Variants in CSGALNACT1 observed in about 807,000 individuals in gnomAD.
CSGALNACT1 encodes beta4GalNAcT-1.
CSGALNACT1 carries 52 observed loss-of-function variants against 51.0 expected under a neutral mutation model. The ratio of observed to expected loss-of-function variants is 1.02; its 90% CI spans 0.82 to 1.29. The LOEUF is 1.29. CSGALNACT1 is among the 50% of genes most tolerant of loss of function. The pLI is 0.00. For synonymous variants in CSGALNACT1, 341 were observed against 254.4 expected (o/e 1.34, Z -3.24); for missense variants, 935 against 679.2 (o/e 1.38, Z -4.19).
rs553172175 is a variant in CSGALNACT1 at position 19,585,837 on chromosome 8, G to C, written c.-297+5323C>G. Among the ~76,000 whole-genome samples the C allele has an allele frequency of 4.6e-5, 7 of 152,244 alleles. No homozygotes were observed. In the South Asian group the frequency reaches 1.2e-3, roughly 27 times the overall value. ...AGAGTTCCAGGTCCCAGTAGCATCT[G>C]CCCTGAGGAGCTCAGGAAACCCCTT... is the stretch of plus-strand genomic sequence containing the variant. On this transcript the variant is annotated intron_variant, in intron 3 of 9. Coordinates refer to ENST00000454498, the Ensembl canonical transcript of CSGALNACT1.
intron 3 of CSGALNACT1, among the ~76,000 whole-genome samples, chr8:19,580,636 T>C (rs781142534): frequency 3.9e-5 from 6 of 152,164 alleles, no homozygotes; most frequent in East Asian, 1.9e-4. Context: ...ATCAGGCACT[T>C]AATAAAAAAT....
chr8:19,664,829 T>A (rs1008352308), intron 1 of CSGALNACT1, among the ~76,000 whole-genome samples: 49 of 152,196 alleles, frequency 3.2e-4, no homozygotes, highest in African/African-American at 1.1e-3. Context: ...AAGTGTGAGC[T>A]AAATAATGTA....
At position 19,589,554 on chromosome 8, in the gene CSGALNACT1, C is replaced by G. The variant is rs79584685; in HGVS notation, c.-297+1606G>C. On this transcript the variant is annotated intron_variant, in intron 3 of 9. Transcript: ENST00000454498. ...TTGGGTTGGCCAAGCTGGTCTTGAA[C>G]TCCCGACCTCAAGTGACCTTCCCAC... 2.4e-3 allele frequency among the ~76,000 whole-genome samples: 369 copies of G among 152,294 alleles called. 1 individual carries two copies. Among genetic ancestry groups the G allele is most frequent in the African/African-American group, 8.3e-3 (346 of 41,560 alleles).
chr8:19,609,986 C>T (rs1360766507), intron 1 of CSGALNACT1, among the ~76,000 whole-genome samples: 2 of 151,804 alleles, frequency 1.3e-5, no homozygotes. Flanking sequence ...TTTGGGAGGC[C>T]GAGGTGGGTG....
intron 9 of CSGALNACT1, among the ~76,000 whole-genome samples, chr8:19,407,050 C>T (rs78273926): frequency 2.4e-4 from 36 of 152,266 alleles, no homozygotes; most frequent in African/African-American, 8.7e-4. Flanking sequence ...CTGATTTGCA[C>T]ATAACCATTT....
intron 3 of CSGALNACT1, among the ~76,000 whole-genome samples, chr8:19,506,447 G>A (rs2077345422): frequency 6.6e-6 from 1 of 152,164 alleles, no homozygotes. Flanking sequence ...CTGCATAGTG[G>A]CGCAAGTCCT....
chr8:19,449,514 G>A (rs2062715416), intron 5 of CSGALNACT1, among the ~76,000 whole-genome samples: 1 of 137,676 alleles, frequency 7.3e-6, no homozygotes, highest in Admixed American at 7.0e-5. Flanking sequence ...TAACATTCCA[G>A]GCTCATTTCA....
chr8:19,553,899 T>A (rs1216009924), intron 3 of CSGALNACT1, among the ~76,000 whole-genome samples: 1 of 118,588 alleles, frequency 8.4e-6, no homozygotes, highest in East Asian at 2.4e-4. Context: ...AAAGAACTCG[T>A]AGAACACACA....
chr8:19,516,494 G>A (rs761276362), intron 3 of CSGALNACT1, among the ~76,000 whole-genome samples: 2 of 151,998 alleles, frequency 1.3e-5, no homozygotes, highest in African/African-American at 2.4e-5. Context: ...CCTCAAACGT[G>A]GCATGAATCA....
chr8:19,531,503 T>C (rs1239085917), intron 3 of CSGALNACT1, among the ~76,000 whole-genome samples: 1 of 152,188 alleles, frequency 6.6e-6, no homozygotes, highest in African/African-American at 2.4e-5. Context: ...TATCAAAATT[T>C]ACAATGCAAT....
intron 1 of CSGALNACT1, among the ~76,000 whole-genome samples, chr8:19,680,249 A>C (rs1306848187): frequency 6.6e-6 from 1 of 152,204 alleles, no homozygotes; most frequent in Non-Finnish European, 1.5e-5. Flanking sequence ...TTAAAAAGAC[A>C]AAAATTAAAA....
intron 2 of CSGALNACT1, among the ~76,000 whole-genome samples, chr8:19,600,976 A>G (rs2050295855): frequency 6.7e-6 from 1 of 149,236 alleles, no homozygotes; most frequent in South Asian, 2.1e-4. Flanking sequence ...TTACTTCTAG[A>G]AAAAAAAAAG....
chr8:19,671,772 T>G (rs763568680), intron 1 of CSGALNACT1, among the ~76,000 whole-genome samples: 11 of 152,174 alleles, frequency 7.2e-5, no homozygotes, highest in Admixed American at 3.9e-4. Flanking sequence ...GGAGTCAACT[T>G]GCTCTAAATT....
intron 4 of CSGALNACT1, among the ~76,000 whole-genome samples, chr8:19,469,332 AGTAAGCT>A (rs946151786): frequency 4.6e-5 from 7 of 152,198 alleles, no homozygotes; most frequent in African/African-American, 1.7e-4. Flanking sequence ...TCGAGGCTAC[AGTAAGCT>A]GTGTGTGCAC....
In CSGALNACT1 at chr8:19,427,429, G is replaced by A. The variant is rs138895205; in HGVS notation, c.954-6911C>T. Among the ~76,000 whole-genome samples, 232 of 152,334 alleles carry A rather than the reference G, an allele frequency of 1.5e-3. 1 individual carries two copies. Among genetic ancestry groups the A allele is most frequent in the African/African-American group, 5.3e-3 (222 of 41,582 alleles). ...GCGGGCACCAAACAAATTTGCCGATGCACAGGAAAATGGTGAGATTCAAAC... is the reference window on the plus strand; with the variant it reads ...GCGGGCACCAAACAAATTTGCCGATACACAGGAAAATGGTGAGATTCAAAC... On this transcript the variant is annotated intron_variant, in intron 6 of 9. Transcript: ENST00000454498.
chr8:19,513,462 A>ATATATATATT (rs1226907527), intron 3 of CSGALNACT1, among the ~76,000 whole-genome samples: 2 of 140,214 alleles, frequency 1.4e-5, no homozygotes, highest in Admixed American at 7.2e-5. Flanking sequence ...ATATATATAT[A>ATATATATATT]TTTTGTGCCA....
chr8:19,436,525 A>AATAAG (rs2060402071), intron 6 of CSGALNACT1, among the ~76,000 whole-genome samples: 1 of 152,256 alleles, frequency 6.6e-6, no homozygotes, highest in Non-Finnish European at 1.5e-5. Context: ...ATTATTCAGA[A>AATAAG]ATAAGATACC....
intron 4 of CSGALNACT1, among the ~76,000 whole-genome samples, chr8:19,485,607 C>A (rs777411808): frequency 6.6e-6 from 1 of 152,034 alleles, no homozygotes; most frequent in African/African-American, 2.4e-5. Flanking sequence ...TTACTAGGTA[C>A]AGAACAAAGA....
intron 4 of CSGALNACT1, among the ~76,000 whole-genome samples, chr8:19,491,074 C>A (rs2074262546): frequency 7.9e-6 from 1 of 126,592 alleles, no homozygotes. Flanking sequence ...ACTCATAATT[C>A]TACCACTCAG....
Sources: gnomAD v4.1 joint callset for allele counts (sites outside exome capture counted in the v4.1 genomes callset) on GRCh38, gnomAD v4.1.1 for gene constraint, MANE v1.5 for transcripts, NCBI Gene and HGNC (gene_info 2026-07-23, HGNC 2026-07-21) for gene names.